The following RANBP2 variants were observed in gnomAD, a reference collection of about 807,000 sequenced individuals.
RANBP2 encodes the protein RAN binding protein 2.
Under a neutral mutation model 303.6 loss-of-function variants are expected in RANBP2, and 57 were observed. The ratio of observed to expected loss-of-function variants is 0.19; its 90% CI spans 0.15 to 0.23. The LOEUF (loss-of-function observed/expected upper bound fraction) is 0.23. Among genes scored for constraint, RANBP2 ranks in the 10% least tolerant of loss-of-function variants. The pLI is 1.00. For missense variants in RANBP2, 3,138 were observed against 3,780.8 expected, an observed-to-expected ratio of 0.83 and a Z score of 4.46; for synonymous variants, 1,167 against 1,301.5, an observed-to-expected ratio of 0.90 and a Z score of 2.23.
chr2:109,295,461 G>T, the RANBP2 span, among the ~76,000 whole-genome samples: 1 of 152,248 alleles, frequency 6.6e-6, no homozygotes, highest in African/African-American at 2.4e-5. Context: ...GGCAGGGAGA[G>T]GACCCTGGGA....
At chr2:109,207,674 T>A in the RANBP2 span, among the ~76,000 whole-genome samples, 22 of 152,172 alleles carry the variant, frequency 1.4e-4, no homozygotes, top group African/African-American at 5.3e-4. Flanking sequence ...CCTATAGAAT[T>A]TGGAAAGCTA....
chr2:109,244,690 A>G, the RANBP2 span, among the ~76,000 whole-genome samples: 2 of 152,210 alleles, frequency 1.3e-5, no homozygotes, highest in Non-Finnish European at 2.9e-5. Context: ...AGATGGTATT[A>G]TCTGCAGCAC....
At chr2:108,950,583 T>TGAC in the RANBP2 span, among the ~76,000 whole-genome samples, 1 of 152,232 alleles carries the variant, frequency 6.6e-6, no homozygotes, top group African/African-American at 2.4e-5. Flanking sequence ...GGACAGTGTG[T>TGAC]GACTTCATCC....
chr2:109,420,072 G>A, the RANBP2 span, among the ~76,000 whole-genome samples: 5 of 152,310 alleles, frequency 3.3e-5, no homozygotes, highest in African/African-American at 9.6e-5. Flanking sequence ...TTCAGCCCCC[G>A]TCCCAGGGCC....
the RANBP2 span, among the ~76,000 whole-genome samples, chr2:109,483,026 T>C: frequency 6.6e-6 from 1 of 152,242 alleles, no homozygotes; most frequent in Admixed American, 6.5e-5. Flanking sequence ...CTTTTTCCTC[T>C]GTATTCATTG....
At chr2:109,130,064 C>T in the RANBP2 span, 1 of 1,368,784 alleles carries the variant, frequency 7.3e-7, no homozygotes, top group Non-Finnish European at 9.4e-7. Context: ...GGCAGCACCG[C>T]CGGCAGTCTG....
chr2:109,456,417 A>G, the RANBP2 span, among the ~76,000 whole-genome samples: 2 of 152,242 alleles, frequency 1.3e-5, no homozygotes, highest in East Asian at 3.8e-4. Flanking sequence ...TTTTCCAGAC[A>G]GCCTTTTTTG....
chr2:109,713,251 T>C, the RANBP2 span, among the ~76,000 whole-genome samples: 1 of 152,118 alleles, frequency 6.6e-6, no homozygotes, highest in Non-Finnish European at 1.5e-5. Flanking sequence ...GTTACGAATC[T>C]CCAGGACAGG....
chr2:109,305,666 A>T, the RANBP2 span, among the ~76,000 whole-genome samples: 1 of 152,228 alleles, frequency 6.6e-6, no homozygotes, highest in Non-Finnish European at 1.5e-5. Flanking sequence ...GCATTCGCTC[A>T]GTTCCACTGC....
At chr2:109,297,259 C>A in the RANBP2 span, among the ~76,000 whole-genome samples, 2 of 152,136 alleles carry the variant, frequency 1.3e-5, no homozygotes, top group African/African-American at 4.8e-5. Flanking sequence ...TCATCGTCAT[C>A]ACTGTTAATA....
chr2:108,819,121 A>G, the RANBP2 span, among the ~76,000 whole-genome samples: 1 of 152,252 alleles, frequency 6.6e-6, no homozygotes. Flanking sequence ...TTATTCCTCC[A>G]TGGAAACACC....
chr2:109,225,282 G>A, the RANBP2 span, among the ~76,000 whole-genome samples: 3 of 152,170 alleles, frequency 2.0e-5, no homozygotes, highest in African/African-American at 4.8e-5. Context: ...CTGGGGATCC[G>A]GCTGAATAGT....
chr2:109,483,847 C>A, the RANBP2 span, among the ~76,000 whole-genome samples: 7 of 152,146 alleles, frequency 4.6e-5, no homozygotes, highest in Non-Finnish European at 2.9e-5. Flanking sequence ...CCATCAGCAG[C>A]CCCACCATCC....
the RANBP2 span, chr2:109,585,125 C>G: frequency 6.5e-7 from 1 of 1,550,282 alleles, no homozygotes; most frequent in Non-Finnish European, 8.7e-7. Flanking sequence ...AAAACACATA[C>G]CTCTCTTCTT....
chr2:108,975,285 G>C, the RANBP2 span, among the ~76,000 whole-genome samples: 4,290 of 152,246 alleles, frequency 0.028, 178 homozygotes, highest in African/African-American at 0.085. Flanking sequence ...ATCCCCTGCC[G>C]GCCACCATGC....
the RANBP2 span, among the ~76,000 whole-genome samples, chr2:109,126,335 G>A: frequency 2.7e-4 from 41 of 152,310 alleles, no homozygotes; most frequent in African/African-American, 9.1e-4. Flanking sequence ...GTCTTGGGTC[G>A]TGCAAGATAA....
At chr2:109,500,012 G>A in the RANBP2 span, among the ~76,000 whole-genome samples, 1 of 152,118 alleles carries the variant, frequency 6.6e-6, no homozygotes, top group African/African-American at 2.4e-5. Flanking sequence ...TGGTGGAAGC[G>A]GGTGGTCCGT....
chr2:108,998,901 C>T, the RANBP2 span, among the ~76,000 whole-genome samples: 9 of 152,366 alleles, frequency 5.9e-5, no homozygotes, highest in South Asian at 1.9e-3. Context: ...TGGGCCCGTG[C>T]CTCCTCCACC....
chr2:109,445,321 A>C, the RANBP2 span, among the ~76,000 whole-genome samples: 1 of 152,332 alleles, frequency 6.6e-6, no homozygotes, highest in South Asian at 2.1e-4. Flanking sequence ...AAGTCCTCAC[A>C]CAGAAAGCAC....
Sources: allele counts gnomAD v4.1 joint callset (sites outside exome capture counted in the v4.1 genomes callset), GRCh38; gene constraint gnomAD v4.1.1; transcripts MANE v1.5; gene names NCBI Gene and HGNC (gene_info 2026-07-23, HGNC 2026-07-21).